NOS1AP: variants seen among roughly 807,000 people sequenced by gnomAD.
NOS1AP encodes carboxyl-terminal PDZ ligand of neuronal nitric oxide synthase protein.
NOS1AP carries 21 observed loss-of-function variants against 56.2 expected under a neutral mutation model. That is an observed-to-expected ratio of 0.37 (90% CI 0.26 to 0.54). The LOEUF is 0.54. Ranked by LOEUF, NOS1AP falls within the 20% of genes least tolerant of loss-of-function variation. The pLI, the probability that NOS1AP is intolerant of heterozygous loss-of-function variation, is 0.84. For missense variants in NOS1AP, 522 were observed against 657.8 expected (o/e 0.79, Z 2.26); for synonymous variants, 270 against 274.6 (o/e 0.98, Z 0.17).
At chr1:162,151,065 C>A in intron 1 of NOS1AP, among the ~76,000 whole-genome samples, 1 of 152,142 alleles carries the variant, frequency 6.6e-6, no homozygotes, top group East Asian at 1.9e-4. Context: ...GTTTCCCCAA[C>A]ATTTTCTTTT....
At position 162,253,170 on chromosome 1, in the gene NOS1AP, T is replaced by C. The variant is rs562597399; in HGVS notation, c.178-34174T>C. ...GTGGGTTTGTTGTAAAAGGGCGAGT[T>C]TGGCCTCCTCTTGTTCTCTTTCTCT... On this transcript the variant is annotated intron_variant, in intron 2 of 9. Transcript: ENST00000361897. Among the ~76,000 whole-genome samples the C allele has an allele frequency of 4.6e-5, 7 of 152,296 alleles. No homozygotes were observed. In the South Asian group the frequency reaches 6.2e-4, roughly 14 times the overall value.
intron 4 of NOS1AP, among the ~76,000 whole-genome samples, chr1:162,320,868 TAAAAATA>T (rs910955417): frequency 6.6e-6 from 1 of 151,204 alleles, no homozygotes; most frequent in Admixed American, 6.6e-5. Context: ...AATAAATAAA[TAAAAATA>T]AAAAATAAAA....
chr1:162,197,109 G>A (rs1486498723), intron 2 of NOS1AP, among the ~76,000 whole-genome samples: 1 of 152,154 alleles, frequency 6.6e-6, no homozygotes, highest in East Asian at 1.9e-4. Context: ...CGTTTCTGAG[G>A]GCAGAGTCCA....
At chr1:162,190,354 T>C (rs2102154474) in intron 2 of NOS1AP, among the ~76,000 whole-genome samples, 1 of 109,900 alleles carries the variant, frequency 9.1e-6, no homozygotes, top group East Asian at 4.6e-4. Flanking sequence ...ACACATTTTT[T>C]TTAAATTTTA....
At chr1:162,084,090 A>G (rs1275024522) in intron 1 of NOS1AP, among the ~76,000 whole-genome samples, 1 of 152,220 alleles carries the variant, frequency 6.6e-6, no homozygotes, top group Non-Finnish European at 1.5e-5. Flanking sequence ...AAGCATATTC[A>G]TAATTGCTTG....
At chr1:162,149,888 G>A (rs984142941) in intron 1 of NOS1AP, among the ~76,000 whole-genome samples, 3 of 152,158 alleles carry the variant, frequency 2.0e-5, no homozygotes, top group African/African-American at 7.2e-5. Context: ...GGGCACATGA[G>A]ATATTTTGAT....
At chr1:162,328,560 C>T (rs75726361) in intron 4 of NOS1AP, among the ~76,000 whole-genome samples, 1 of 152,122 alleles carries the variant, frequency 6.6e-6, no homozygotes, top group African/African-American at 2.4e-5. Context: ...CATACTCATT[C>T]TTTAAACCTT....
At chr1:162,231,213 G>A (rs1431253063) in intron 2 of NOS1AP, among the ~76,000 whole-genome samples, 1 of 152,090 alleles carries the variant, frequency 6.6e-6, no homozygotes, top group Non-Finnish European at 1.5e-5. Flanking sequence ...TTATAGTTTT[G>A]ATTTATATTT....
chr1:162,209,228 G>A (rs1317025067), intron 2 of NOS1AP, among the ~76,000 whole-genome samples: 1 of 152,194 alleles, frequency 6.6e-6, no homozygotes, highest in Non-Finnish European at 1.5e-5. Context: ...TATTTCTGGT[G>A]CCCCTTCAGG....
intron 2 of NOS1AP, among the ~76,000 whole-genome samples, chr1:162,179,177 A>G (rs1465731279): frequency 6.6e-6 from 1 of 152,168 alleles, no homozygotes; most frequent in Non-Finnish European, 1.5e-5. Context: ...AAATGTTTAT[A>G]TAGTCTTAAT....
chr1:162,327,185 C>G lies in NOS1AP; in HGVS notation c.345-5832C>G, dbSNP rs538538475. Among the ~76,000 whole-genome samples, 12 of 152,244 alleles carry G rather than the reference C, an allele frequency of 7.9e-5. No individual in the cohort carries two copies. The South Asian group carries it at 2.5e-3, about 32-fold the overall frequency. On this transcript the variant is annotated intron_variant, in intron 4 of 9. Transcript: ENST00000361897. Reference sequence around the variant, plus strand: ...ATCTCAATCCCATTTTTCTAACTGTCTTGGTTTTTTTCTTCTCAAGTAGAG... The same window carrying G: ...ATCTCAATCCCATTTTTCTAACTGTGTTGGTTTTTTTCTTCTCAAGTAGAG...
intron 2 of NOS1AP, among the ~76,000 whole-genome samples, chr1:162,170,290 G>A (rs958685331): frequency 6.6e-6 from 1 of 152,104 alleles, no homozygotes; most frequent in Admixed American, 6.5e-5. Flanking sequence ...ATTCATCTTG[G>A]TTGATCCTCA....
In NOS1AP at chr1:162,188,781, C is replaced by T. The variant is rs115831707; in HGVS notation, c.177+34305C>T. Reference sequence around the variant, plus strand: ...GGTTAAGATTATTTTAGGCTGAGCACGGTGGCTCACGCCTGTAATCCCAGC... The same window carrying T: ...GGTTAAGATTATTTTAGGCTGAGCATGGTGGCTCACGCCTGTAATCCCAGC... On this transcript the variant is annotated intron_variant, in intron 2 of 9. Coordinates refer to ENST00000361897, the MANE Select transcript of NOS1AP (RefSeq NM_014697.3). The surrounding 1 kb of genome is among the most constrained non-coding windows in gnomAD (Gnocchi z 4.0). 0.035 allele frequency among the ~76,000 whole-genome samples: 5,365 copies of T among 152,250 alleles called. 135 individuals are homozygous for T. The highest frequency in any genetic ancestry group is 0.049 in the Non-Finnish European group (3,351 of 68,008).
At chr1:162,241,146 A>G (rs1418700173) in intron 2 of NOS1AP, among the ~76,000 whole-genome samples, 1 of 152,216 alleles carries the variant, frequency 6.6e-6, no homozygotes, top group Admixed American at 6.5e-5. Flanking sequence ...TGGAAGGGAA[A>G]GCTTCTTGGA....
intron 3 of NOS1AP, 83 bp downstream of exon 3, chr1:162,287,519 C>T: frequency 1.1e-6 from 1 of 887,588 alleles, no homozygotes. Context: ...CTGGGCCCAC[C>T]TCCAGAGAGA....
chr1:162,156,001 C>T (rs1411586734), intron 2 of NOS1AP, among the ~76,000 whole-genome samples: 1 of 152,194 alleles, frequency 6.6e-6, no homozygotes, highest in African/African-American at 2.4e-5. Context: ...AGTCCTTCCT[C>T]TGGTCAACAG....
chr1:162,367,282 G>A lies in NOS1AP; in HGVS notation c.1336G>A (p.Glu446Lys), dbSNP rs768206947. The change falls in exon 10 of 10, where the codon GAG (glutamate) becomes AAG (lysine). Residue 446 changes from glutamate to lysine, a missense_variant. Glu to Lys is a moderately conservative substitution (Grantham distance 56). Coordinates refer to ENST00000361897, the MANE Select transcript of NOS1AP (RefSeq NM_014697.3). The surrounding 1 kb of genome is among the most constrained non-coding windows in gnomAD (Gnocchi z 6.5). The stretch of plus-strand genomic sequence containing the variant: ...GGACACCCCGCCCCCAGCGCAGGGC[G>A]AGGCGCTCCTGGGCGGTCTGGAGCT... The part of the protein sequence containing the change: ...PEDTPPPAQG[E>K]ALLGGLELIK... The A allele has an allele frequency of 6.2e-7, 1 of 1,613,534 alleles. No individual in the cohort carries two copies. Among genetic ancestry groups the A allele is most frequent in the Non-Finnish European group, 8.5e-7 (1 of 1,179,946 alleles).
chr1:162,085,251 TCTC>T (rs1265658392), intron 1 of NOS1AP, among the ~76,000 whole-genome samples: 2 of 152,048 alleles, frequency 1.3e-5, no homozygotes, highest in African/African-American at 4.8e-5. Flanking sequence ...TTCAGATTCT[TCTC>T]CTGCTTGTTT....
At chr1:162,235,431 C>G (rs1321832976) in intron 2 of NOS1AP, among the ~76,000 whole-genome samples, 1 of 152,136 alleles carries the variant, frequency 6.6e-6, no homozygotes, top group Non-Finnish European at 1.5e-5. Context: ...TTTTCCATTG[C>G]CCTCTCCCTG....
Sources: gnomAD v4.1 joint callset for allele counts (sites outside exome capture counted in the v4.1 genomes callset) on GRCh38, gnomAD v4.1.1 for gene constraint, Gnocchi (gnomAD v3.1) non-coding constraint, MANE v1.5 for transcripts, NCBI Gene and HGNC (gene_info 2026-07-23, HGNC 2026-07-21) for gene names.